RGS7: variants seen among roughly 807,000 people sequenced by gnomAD.
RGS7 encodes regulator of G protein signaling 7.
RGS7 carries 27 observed loss-of-function variants against 81.1 expected under a neutral mutation model. The ratio of observed to expected loss-of-function variants is 0.33; its 90% CI spans 0.25 to 0.46. The LOEUF is 0.46. Ranked by LOEUF, RGS7 falls within the 20% of genes least tolerant of loss-of-function variation. The pLI, the probability that RGS7 is intolerant of heterozygous loss-of-function variation, is 1.00. For missense variants in RGS7, 396 were observed against 607.4 expected (o/e 0.65, Z 3.66); for synonymous variants, 208 against 207.7 (o/e 1.00, Z -0.01).
At chr1:241,308,636 C>T (rs1304803521) in intron 2 of RGS7, among the ~76,000 whole-genome samples, 5 of 152,140 alleles carry the variant, frequency 3.3e-5, no homozygotes, top group Non-Finnish European at 7.3e-5. Context: ...GATACAAGTG[C>T]TCTTAATCTA....
At chr1:240,918,630 G>C (rs1314237130) in intron 6 of RGS7, among the ~76,000 whole-genome samples, 1 of 151,910 alleles carries the variant, frequency 6.6e-6, no homozygotes, top group Non-Finnish European at 1.5e-5. Context: ...GCATATATTA[G>C]AATAAAGAAA....
chr1:241,261,690 C>A (rs1355503158), intron 2 of RGS7, among the ~76,000 whole-genome samples: 1 of 151,686 alleles, frequency 6.6e-6, no homozygotes, highest in African/African-American at 2.4e-5. Flanking sequence ...TCATTCCAGC[C>A]CTACTATCAT....
intron 6 of RGS7, among the ~76,000 whole-genome samples, chr1:240,925,163 G>A (rs11800287): frequency 0.01 from 1,543 of 152,076 alleles, 30 homozygotes; most frequent in African/African-American, 0.036. Flanking sequence ...TACATGTGCA[G>A]GTTTGTTACA....
intron 2 of RGS7, among the ~76,000 whole-genome samples, chr1:241,254,312 G>A (rs1267711985): frequency 6.6e-6 from 1 of 152,116 alleles, no homozygotes; most frequent in Non-Finnish European, 1.5e-5. Flanking sequence ...TGTGAACAAT[G>A]GAATTCACAG....
At chr1:241,112,577 G>C (rs1286607655) in intron 2 of RGS7, among the ~76,000 whole-genome samples, 1 of 152,212 alleles carries the variant, frequency 6.6e-6, no homozygotes, top group African/African-American at 2.4e-5. Flanking sequence ...TGATTTATTT[G>C]TCTTAGGTGT....
rs750500476 is a variant in RGS7 at position 241,327,150 on chromosome 1, A to G, written c.78+28549T>C. ...AGAAAGAAAGAAAGAAAGAAAGGAAAGAAAGAAAGAAAGAAACACACAGAC... is the reference window on the plus strand; with the variant it reads ...AGAAAGAAAGAAAGAAAGAAAGGAAGGAAAGAAAGAAAGAAACACACAGAC... On this transcript the variant is annotated intron_variant, in intron 2 of 18. Coordinates refer to ENST00000440928, the MANE Select transcript of RGS7 (RefSeq NM_001364886.1). Among the ~76,000 whole-genome samples, 374 of 100,324 alleles carry G rather than the reference A, an allele frequency of 3.7e-3. 5 individuals are homozygous for G. The highest frequency in any genetic ancestry group is 6.1e-3 in the Non-Finnish European group (234 of 38,606). The allele number at this position is 100,324 out of a possible 152,430, so 65.8% of individuals were successfully genotyped here.
At chr1:240,931,477 A>ATTCTCCATTC (rs1675430667) in intron 5 of RGS7, among the ~76,000 whole-genome samples, 3 of 152,162 alleles carry the variant, frequency 2.0e-5, no homozygotes, top group Non-Finnish European at 4.4e-5. Flanking sequence ...GAGGGAATGG[A>ATTCTCCATTC]GATCCCATTC....
chr1:241,327,154 A>G (rs1027408649), intron 2 of RGS7, among the ~76,000 whole-genome samples: 2 of 144,692 alleles, frequency 1.4e-5, no homozygotes, highest in African/African-American at 5.0e-5. Context: ...AAGGAAAGAA[A>G]GAAAGAAAGA....
At chr1:240,896,779 T>C (rs1669166925) in intron 6 of RGS7, among the ~76,000 whole-genome samples, 1 of 152,196 alleles carries the variant, frequency 6.6e-6, no homozygotes, top group South Asian at 2.1e-4. Flanking sequence ...TCTTTTTTGG[T>C]TCCATATGAA....
intron 2 of RGS7, among the ~76,000 whole-genome samples, chr1:241,279,821 C>T (rs1277833518): frequency 1.3e-5 from 2 of 152,142 alleles, no homozygotes; most frequent in Admixed American, 6.5e-5. Context: ...GATATGTAAA[C>T]TTCTGAGATT....
rs897212518 is a variant in RGS7 at position 241,099,210 on chromosome 1, T to C, written c.79-448A>G. On this transcript the variant is annotated intron_variant, in intron 2 of 18. Coordinates refer to ENST00000440928, the MANE Select transcript of RGS7 (RefSeq NM_001364886.1). ...CAAGAGAATTTCCGTGATTTTGTTT[T>C]ACAATAAAGTTCTAAAACCTGCCTA... Among the ~76,000 whole-genome samples the C allele has an allele frequency of 3.3e-5, 5 of 152,324 alleles. No individual in the cohort carries two copies. In the Middle Eastern group the frequency reaches 0.01, roughly 311 times the overall value.
chr1:240,837,966 G>T (rs2147862606), intron 9 of RGS7, among the ~76,000 whole-genome samples: 1 of 152,304 alleles, frequency 6.6e-6, no homozygotes, highest in African/African-American at 2.4e-5. Flanking sequence ...AATTACAATA[G>T]CTGCCTTGAA....
chr1:241,227,183 C>T (rs552259297), intron 2 of RGS7, among the ~76,000 whole-genome samples: 6 of 152,274 alleles, frequency 3.9e-5, no homozygotes, highest in African/African-American at 4.8e-5. Context: ...CACGTGCACA[C>T]GTGCACTGAG....
chr1:240,896,320 G>A (rs902366402), intron 6 of RGS7, among the ~76,000 whole-genome samples: 1 of 152,140 alleles, frequency 6.6e-6, no homozygotes, highest in African/African-American at 2.4e-5. Context: ...GTCTTTTGTT[G>A]CCATTGCTTT....
chr1:240,831,184 G>A (rs760630392), intron 9 of RGS7, among the ~76,000 whole-genome samples: 2 of 151,912 alleles, frequency 1.3e-5, no homozygotes, highest in Admixed American at 6.6e-5. Flanking sequence ...TGCTTGTCTC[G>A]GAGGCCCTGT....
In RGS7 at chr1:241,026,839, C is replaced by T. The variant is rs949610999; in HGVS notation, c.176-43710G>A. ...GGGGTTTGGGGCATCCAATGTTAAA[C>T]TAAGTGGGCTTAGAGGATCTCTCTG... On this transcript the variant is annotated intron_variant, in intron 3 of 18. Transcript: ENST00000440928. 2.6e-5 allele frequency among the ~76,000 whole-genome samples: 4 copies of T among 151,916 alleles called. No homozygotes were observed. The South Asian group carries it at 8.3e-4, about 32-fold the overall frequency.
chr1:241,266,639 A>G, intron 2 of RGS7, among the ~76,000 whole-genome samples: 1 of 152,180 alleles, frequency 6.6e-6, no homozygotes, highest in South Asian at 2.1e-4. Flanking sequence ...AATGTATTTT[A>G]TAAAGATTTC....
At chr1:240,881,710 G>A (rs1399855581) in intron 6 of RGS7, among the ~76,000 whole-genome samples, 2 of 151,946 alleles carry the variant, frequency 1.3e-5, no homozygotes, top group African/African-American at 2.4e-5. Flanking sequence ...AAGTGCAAGG[G>A]AAATTGAATC....
intron 6 of RGS7, among the ~76,000 whole-genome samples, chr1:240,870,345 T>A (rs1664260735): frequency 6.6e-6 from 1 of 151,682 alleles, no homozygotes. Flanking sequence ...CTTGGTAACT[T>A]TTTTTTTTCA....
Sources: allele counts gnomAD v4.1 joint callset (sites outside exome capture counted in the v4.1 genomes callset), GRCh38; gene constraint gnomAD v4.1.1; transcripts MANE v1.5; gene names NCBI Gene and HGNC (gene_info 2026-07-23, HGNC 2026-07-21).